Variants in KIAA2012 observed in about 807,000 individuals in gnomAD.
KIAA2012 encodes the protein uncharacterized protein KIAA2012.
A neutral mutation model predicts 150.6 loss-of-function variants in KIAA2012; 125 were observed. The observed-to-expected ratio is 0.83, with a 90% CI of 0.72 to 0.96. The LOEUF is 0.96. Among genes scored for constraint, KIAA2012 ranks in the 40% least tolerant of loss-of-function variants. The pLI is 0.00. For missense variants in KIAA2012, 1,219 were observed against 1,354.9 expected, an observed-to-expected ratio of 0.90 and a Z score of 1.57; for synonymous variants, 462 against 504.7, an observed-to-expected ratio of 0.92 and a Z score of 1.13.
In KIAA2012 at chr2:202,196,884, G is replaced by A. The variant is rs1470279958; in HGVS notation, c.3272G>A (p.Arg1091Gln). Residue 1091 changes from arginine to glutamine, a missense_variant, in exon 22 of 24, where the codon CGA (arginine) becomes CAA (glutamine). Physicochemically the swap from Arg to Gln is conservative, Grantham distance 43 (BLOSUM62 1). Transcript: ENST00000498697. ...CTGATGGAAATGGCTGAAGAGGAAC[G>A]ACTGGAGTACCAGCGGCGGAAACAG... The part of the protein sequence containing the change: ...KHLMEMAEEE[R>Q]LEYQRRKQEA... The A allele has an allele frequency of 5.2e-6, 8 of 1,550,720 alleles. 1 individual carries two copies. Among genetic ancestry groups the A allele is most frequent in the Middle Eastern group, 3.3e-4 (2 of 5,992 alleles).
At chr2:202,171,058 C>T (rs902500417) in intron 15 of KIAA2012, among the ~76,000 whole-genome samples, 1 of 151,828 alleles carries the variant, frequency 6.6e-6, no homozygotes, top group African/African-American at 2.4e-5. Context: ...AGAGGGTTCG[C>T]CCCCCACGGG....
At chr2:202,160,621 A>C (rs1168042175) in intron 14 of KIAA2012, among the ~76,000 whole-genome samples, 3 of 152,178 alleles carry the variant, frequency 2.0e-5, no homozygotes, top group Non-Finnish European at 4.4e-5. Flanking sequence ...CCAAAATCAT[A>C]GTCTTTAACA....
At chr2:202,171,800 A>G (rs1691898465) in intron 15 of KIAA2012, among the ~76,000 whole-genome samples, 2 of 145,884 alleles carry the variant, frequency 1.4e-5, no homozygotes, top group Admixed American at 6.8e-5. Flanking sequence ...ATTTTGGCCA[A>G]TTTTCCACTT....
chr2:202,190,618 T>C (rs2105747265), intron 19 of KIAA2012, 125 bp downstream of exon 19: 2 of 725,818 alleles, frequency 2.8e-6, no homozygotes, highest in Non-Finnish European at 4.5e-6. Flanking sequence ...CTAATGGTCT[T>C]ATTGTTCTAC....
chr2:202,127,479 T>C (rs1690822493), intron 12 of KIAA2012, among the ~76,000 whole-genome samples: 2 of 151,926 alleles, frequency 1.3e-5, no homozygotes, highest in South Asian at 4.2e-4. Context: ...AGCTTAAGGG[T>C]TGAAATATGC....
At chr2:202,106,130 T>A (rs1690184688) in intron 9 of KIAA2012, 30 of 1,280,176 alleles carry the variant, frequency 2.3e-5, no homozygotes, top group Non-Finnish European at 3.0e-5. Flanking sequence ...ACTCCCTAAC[T>A]CATCCCACTG....
intron 7 of KIAA2012, among the ~76,000 whole-genome samples, chr2:202,102,186 A>ACACG (rs1553552680): frequency 7.0e-6 from 1 of 141,962 alleles, no homozygotes; most frequent in African/African-American, 3.2e-5. Context: ...ACATACACAT[A>ACACG]CACGCACACA....
chr2:202,109,524 G>T, intron 9 of KIAA2012, 89 bp from the exon 10 acceptor site: 1 of 1,148,514 alleles, frequency 8.7e-7, no homozygotes, highest in Non-Finnish European at 1.2e-6. Context: ...TCACACAGAG[G>T]TCCTTCAACC....
In KIAA2012 at chr2:202,105,805, A is replaced by G. The variant is rs1690173463; in HGVS notation, c.1369A>G (p.Thr457Ala). Residue 457 changes from threonine to alanine, a missense_variant, in exon 9 of 24, where the codon ACA (threonine) becomes GCA (alanine). Coordinates refer to ENST00000498697, the MANE Select transcript of KIAA2012 (RefSeq NM_001277372.4). ...ESEPESSEES[T>A]PVWRPPLKHA... ...AGAACCAGAAAGCAGCGAAGAATCC[A>G]CACCTGTGTGGAGACCTCCCCTGAA... is the stretch of plus-strand genomic sequence containing the variant. 1 of 1,550,618 alleles carries G rather than the reference A, an allele frequency of 6.4e-7. No homozygotes were observed. The highest frequency in any genetic ancestry group is 8.7e-7 in the Non-Finnish European group (1 of 1,147,010).
chr2:202,204,348 G>T (rs1484859916), intron 23 of KIAA2012, among the ~76,000 whole-genome samples: 1 of 152,068 alleles, frequency 6.6e-6, no homozygotes, highest in Non-Finnish European at 1.5e-5. Context: ...AAGTGCTGGG[G>T]TTACAGGCAT....
chr2:202,081,971 G>C (rs1689460430), intron 2 of KIAA2012, among the ~76,000 whole-genome samples: 1 of 152,006 alleles, frequency 6.6e-6, no homozygotes, highest in Non-Finnish European at 1.5e-5. Flanking sequence ...CACATTACCT[G>C]TCTGACCTGA....
intron 13 of KIAA2012, among the ~76,000 whole-genome samples, chr2:202,152,701 G>A (rs1691452619): frequency 6.6e-6 from 1 of 152,128 alleles, no homozygotes; most frequent in Non-Finnish European, 1.5e-5. Context: ...TGGCTGAGAT[G>A]ATAAAAAAAT....
At chr2:202,085,100 G>A (rs1294059000) in intron 2 of KIAA2012, among the ~76,000 whole-genome samples, 1 of 152,130 alleles carries the variant, frequency 6.6e-6, no homozygotes, top group Non-Finnish European at 1.5e-5. Flanking sequence ...GCAGGCCTTG[G>A]GCATCCCTCA....
intron 2 of KIAA2012, among the ~76,000 whole-genome samples, chr2:202,084,666 T>C (rs966657679): frequency 1.3e-5 from 2 of 152,200 alleles, no homozygotes; most frequent in African/African-American, 4.8e-5. Flanking sequence ...TCTGTCTCCT[T>C]TTATATTTTA....
chr2:202,134,140 G>A (rs1691013549), intron 12 of KIAA2012, among the ~76,000 whole-genome samples: 2 of 152,242 alleles, frequency 1.3e-5, no homozygotes, highest in Non-Finnish European at 2.9e-5. Context: ...AGAAGGCAAA[G>A]ATGCTTTCTG....
intron 4 of KIAA2012, 52 bp downstream of exon 4, chr2:202,093,237 T>C: frequency 6.6e-7 from 1 of 1,518,420 alleles, no homozygotes; most frequent in Non-Finnish European, 8.9e-7. Flanking sequence ...GATATTTGAA[T>C]TGTTAACACC....
chr2:202,146,748 A>G (rs1691310841), intron 13 of KIAA2012, among the ~76,000 whole-genome samples: 1 of 151,956 alleles, frequency 6.6e-6, no homozygotes, highest in Non-Finnish European at 1.5e-5. Context: ...GCAGTGAGCC[A>G]TGGTCATACG....
chr2:202,089,098 C>T (rs1419813725), intron 2 of KIAA2012, among the ~76,000 whole-genome samples: 1 of 152,136 alleles, frequency 6.6e-6, no homozygotes, highest in East Asian at 1.9e-4. Context: ...CTCTGCAGGC[C>T]CATAAGACTG....
intron 15 of KIAA2012, among the ~76,000 whole-genome samples, chr2:202,168,358 G>T (rs1225134924): frequency 6.7e-6 from 1 of 148,638 alleles, no homozygotes; most frequent in East Asian, 2.0e-4. Context: ...GGCGGAGGTT[G>T]CAGTGAGCCG....
Sources: allele counts gnomAD v4.1 joint callset (sites outside exome capture counted in the v4.1 genomes callset), GRCh38; gene constraint gnomAD v4.1.1; transcripts MANE v1.5; gene names NCBI Gene and HGNC (gene_info 2026-07-23, HGNC 2026-07-21).